SDK2: variants seen among roughly 807,000 people sequenced by gnomAD.
SDK2 encodes the protein protein sidekick-2.
A neutral mutation model predicts 253.9 loss-of-function variants in SDK2; 105 were observed. That is an observed-to-expected ratio of 0.41 (90% CI 0.35 to 0.49). SDK2 has a LOEUF of 0.49. Ranked by LOEUF, SDK2 falls within the 20% of genes least tolerant of loss-of-function variation. SDK2 has a pLI of 0.06. For synonymous variants in SDK2, 1,249 were observed against 1,234.9 expected, an observed-to-expected ratio of 1.01 and a Z score of -0.24; for missense variants, 2,608 against 3,003.0, an observed-to-expected ratio of 0.87 and a Z score of 3.07.
At chr17:73,595,642 G>C (rs913679830) in intron 1 of SDK2, among the ~76,000 whole-genome samples, 2 of 152,196 alleles carry the variant, frequency 1.3e-5, no homozygotes, top group Non-Finnish European at 2.9e-5. Context: ...GGCCCCAGCT[G>C]TTCACCACAG....
intron 1 of SDK2, among the ~76,000 whole-genome samples, chr17:73,619,180 A>AG (rs2046098131): frequency 6.6e-6 from 1 of 152,076 alleles, no homozygotes; most frequent in East Asian, 1.9e-4. Context: ...AAAAAAAAAA[A>AG]AAAGCAAATC....
rs1266332848 is a variant in SDK2, at chr17:73,423,392, C to T, written c.1891G>A (p.Glu631Lys). Reference protein sequence around the residue: ...PLIRYILEMSENNAPWTVLLA... With the variant: ...PLIRYILEMSKNNAPWTVLLA... The stretch of plus-strand genomic sequence containing the variant: ...GTGACCACGGGAAGCTTACTGTTCT[C>T]CGACATCTCCAGAATGTAGCGGATC... The change falls in exon 14 of 45, where the codon GAG becomes AAG. Residue 631 changes from glutamate to lysine, a missense_variant. Coordinates refer to ENST00000392650, the MANE Select transcript of SDK2 (RefSeq NM_001144952.2). 4 of 1,481,410 alleles carry T rather than the reference C, an allele frequency of 2.7e-6. No homozygotes were observed. The highest frequency in any genetic ancestry group is 3.6e-6 in the Non-Finnish European group (4 of 1,107,228). The allele number at this position is 1,481,410 out of a possible 1,614,324, so 91.8% of individuals were successfully genotyped here. A position where few individuals can be genotyped will look rare whatever the true frequency, so the allele number is the denominator to read the frequency against.
intron 1 of SDK2, among the ~76,000 whole-genome samples, chr17:73,635,554 A>G (rs1477469725): frequency 6.6e-6 from 1 of 152,206 alleles, no homozygotes; most frequent in Non-Finnish European, 1.5e-5. Context: ...GAGGCCCTTG[A>G]GAGTCACTGG....
At chr17:73,464,677 G>A (rs900520219) in intron 3 of SDK2, among the ~76,000 whole-genome samples, 13 of 152,070 alleles carry the variant, frequency 8.5e-5, no homozygotes, top group Admixed American at 7.2e-4. Flanking sequence ...TATCTGACCT[G>A]GAATGATCTC....
At chr17:73,607,361 G>C (rs909091254) in intron 1 of SDK2, among the ~76,000 whole-genome samples, 1 of 151,452 alleles carries the variant, frequency 6.6e-6, no homozygotes, top group Non-Finnish European at 1.5e-5. Flanking sequence ...GCAGGGAGAG[G>C]CCCACACGCA....
At chr17:73,554,056 G>C (rs1567839797) in intron 1 of SDK2, among the ~76,000 whole-genome samples, 1 of 152,050 alleles carries the variant, frequency 6.6e-6, no homozygotes, top group Non-Finnish European at 1.5e-5. Flanking sequence ...GGGGGAGCTG[G>C]GACCACCTAT....
At chr17:73,561,442 G>A (rs2045233235) in intron 1 of SDK2, among the ~76,000 whole-genome samples, 1 of 152,236 alleles carries the variant, frequency 6.6e-6, no homozygotes, top group Non-Finnish European at 1.5e-5. Flanking sequence ...CTGCAGAGTT[G>A]TGGCCAAGAA....
At chr17:73,394,852 A>G (rs529055544) in intron 25 of SDK2, among the ~76,000 whole-genome samples, 5 of 152,236 alleles carry the variant, frequency 3.3e-5, no homozygotes, top group Non-Finnish European at 7.4e-5. Flanking sequence ...ACTGGGTTTC[A>G]GGGTTAAAGC....
At chr17:73,504,085 T>C (rs2063911431) in intron 2 of SDK2, among the ~76,000 whole-genome samples, 2 of 152,164 alleles carry the variant, frequency 1.3e-5, no homozygotes, top group South Asian at 4.2e-4. Context: ...TGTGGTGCAC[T>C]TGTGGTCTCC....
At chr17:73,399,559 G>A (rs969540770) in intron 21 of SDK2, among the ~76,000 whole-genome samples, 3 of 152,190 alleles carry the variant, frequency 2.0e-5, no homozygotes, top group African/African-American at 4.8e-5. Context: ...AACAGGGGCC[G>A]GGATGCCGCC....
Position 73,361,706 on chromosome 17 carries a change from G to A in SDK2, c.5445C>T (p.Asn1815=), listed in dbSNP as rs372814522. The change falls in exon 39 of 45, where the codon AAC becomes AAT. Residue 1815 remains asparagine, a synonymous_variant. Transcript: ENST00000392650. The surrounding 1 kb of genome is among the most constrained non-coding windows in gnomAD (Gnocchi z 4.1). ...TFTYGPEIEA[N]VTTGPGEGAP... Reference sequence around the variant, plus strand: ...TACCTTCTCCGGGGCCCGTGGTGACGTTGGCTTCGATCTCCGGCCCGTAGG... The same window carrying A: ...TACCTTCTCCGGGGCCCGTGGTGACATTGGCTTCGATCTCCGGCCCGTAGG... 6.8e-6 allele frequency: 11 copies of A among 1,612,014 alleles called. No individual in the cohort carries two copies. The highest frequency in any genetic ancestry group is 4.5e-5 in the East Asian group (2 of 44,836).
chr17:73,522,431 A>G (rs1400121050), intron 1 of SDK2, among the ~76,000 whole-genome samples: 1 of 152,158 alleles, frequency 6.6e-6, no homozygotes, highest in African/African-American at 2.4e-5. Flanking sequence ...GGTGGTGGGG[A>G]GGGCCAGGCG....
At chr17:73,531,608 T>G (rs1272238193) in intron 1 of SDK2, among the ~76,000 whole-genome samples, 5 of 152,350 alleles carry the variant, frequency 3.3e-5, no homozygotes, top group African/African-American at 1.2e-4. Context: ...TGCCAGGCCC[T>G]TATCGCCTCC....
intron 6 of SDK2, 46 bp downstream of exon 6, chr17:73,440,766 C>T (rs1056085827): frequency 7.2e-7 from 1 of 1,382,058 alleles, no homozygotes; most frequent in African/African-American, 1.4e-5. Context: ...TTGGGAGCAG[C>T]AGCTGGAGTT....
rs767445874 is a variant in SDK2, at chr17:73,361,649, G to C, written c.5467+35C>G. On this transcript the variant is annotated intron_variant, in intron 39 of 44. Transcript: ENST00000392650. This position sits in a 1 kb window ranked among gnomAD's most constrained non-coding sequence, Gnocchi z 4.1. ...TTCTGACTGGGGACGCTGAACCGCC[G>C]TGTGGAAGACATGCCTGGTCCGTTG... 6.3e-7 allele frequency: 1 copy of C among 1,594,030 alleles called. No individual in the cohort carries two copies. Among genetic ancestry groups the C allele is most frequent in the Non-Finnish European group, 8.6e-7 (1 of 1,163,742 alleles).
chr17:73,371,360 G>A (rs2062733209), intron 36 of SDK2, among the ~76,000 whole-genome samples: 1 of 152,154 alleles, frequency 6.6e-6, no homozygotes, highest in Non-Finnish European at 1.5e-5. Context: ...AGTGGTTGGT[G>A]GGGAGGAAGA....
At chr17:73,492,867 G>T (rs1030256818) in intron 2 of SDK2, among the ~76,000 whole-genome samples, 1 of 152,164 alleles carries the variant, frequency 6.6e-6, no homozygotes, top group African/African-American at 2.4e-5. Flanking sequence ...AGGAAGCAGG[G>T]GTCATTACCA....
chr17:73,409,782 T>G (rs1375765031), intron 18 of SDK2, among the ~76,000 whole-genome samples: 1 of 152,234 alleles, frequency 6.6e-6, no homozygotes, highest in Non-Finnish European at 1.5e-5. Context: ...TATTCATTGG[T>G]ATTGAAAATG....
intron 1 of SDK2, among the ~76,000 whole-genome samples, chr17:73,580,570 C>A (rs770432802): frequency 2.0e-5 from 3 of 152,236 alleles, no homozygotes; most frequent in African/African-American, 7.2e-5. Flanking sequence ...CAGAGGGACC[C>A]GTGCTTGGTT....
Sources: allele counts gnomAD v4.1 joint callset (sites outside exome capture counted in the v4.1 genomes callset), GRCh38; gene constraint gnomAD v4.1.1; non-coding constraint Gnocchi (gnomAD v3.1); transcripts MANE v1.5; gene names NCBI Gene and HGNC (gene_info 2026-07-23, HGNC 2026-07-21).